Variants in MICU1 observed in about 807,000 individuals in gnomAD.
MICU1 encodes the protein mitochondrial calcium uptake 1.
In MICU1, 45 loss-of-function variants were observed where a neutral mutation model predicts 56.8. The ratio of observed to expected loss-of-function variants is 0.79; its 90% confidence interval spans 0.62 to 1.02. The LOEUF is 1.02. Ranked by LOEUF, MICU1 falls within the 50% of genes least tolerant of loss-of-function variation. MICU1 has a pLI of 0.00. For synonymous variants in MICU1, 186 were observed against 195.1 expected (o/e 0.95, Z 0.39); for missense variants, 504 against 587.1 (o/e 0.86, Z 1.46).
At position 72,482,710 on chromosome 10, in the gene MICU1, A is replaced by G. The variant is rs116538847; in HGVS notation, c.653-5454T>C. ...ATATGATGGCCCTCTGAATACATATAAACTATTATCATGTCTCTAAAAAGG... is the reference window on the plus strand; with the variant it reads ...ATATGATGGCCCTCTGAATACATATGAACTATTATCATGTCTCTAAAAAGG... On this transcript the variant is annotated intron_variant, in intron 6 of 11. Transcript: ENST00000361114. Among the ~76,000 whole-genome samples, 1,028 of 152,038 alleles carry G rather than the reference A, an allele frequency of 6.8e-3. 13 individuals are homozygous for G. The highest frequency in any genetic ancestry group is 0.023 in the African/African-American group (969 of 41,480).
intron 11 of MICU1, among the ~76,000 whole-genome samples, chr10:72,374,727 G>A (rs1442452281): frequency 3.3e-5 from 5 of 150,100 alleles, no homozygotes; most frequent in African/African-American, 1.2e-4. Flanking sequence ...TGTGGGGTAA[G>A]AGAGGGTGGT....
At position 72,569,206 on chromosome 10, in the gene MICU1, CAT is replaced by C. The variant is rs1211580394; in HGVS notation, c.-1-2414_-1-2413del. Among the ~76,000 whole-genome samples the C allele has an allele frequency of 1.3e-3, 88 of 68,026 alleles. 4 individuals are homozygous for C. The highest frequency in any genetic ancestry group is 2.3e-3 in the South Asian group (4 of 1,774). 44.6% of individuals were successfully genotyped at this position (68,026 alleles called of 152,430 possible). A position where few individuals can be genotyped will look rare whatever the true frequency, so the allele number is the denominator to read the frequency against. ...ATACATTTCTAAAATCATATATATGCATATATATATATATATATATATATATA... is the reference window on the plus strand; with the variant it reads ...ATACATTTCTAAAATCATATATATGCATATATATATATATATATATATATA... On this transcript the variant is annotated intron_variant, in intron 1 of 11. Transcript: ENST00000361114.
intron 1 of MICU1, among the ~76,000 whole-genome samples, chr10:72,569,237 A>ATTTTTTTTTTTTTTTTTTTT (rs1178823534): frequency 8.7e-5 from 3 of 34,392 alleles, no homozygotes; most frequent in African/African-American, 2.3e-4. Flanking sequence ...ATATATATAT[A>ATTTTTTTTTTTTTTTTTTTT]TTTTTTTTTT....
chr10:72,476,204 G>A (rs1866115233), intron 7 of MICU1, among the ~76,000 whole-genome samples: 1 of 138,350 alleles, frequency 7.2e-6, no homozygotes, highest in South Asian at 2.4e-4. Context: ...TCCAACCTGG[G>A]TGACAGAGCG....
At chr10:72,527,564 T>C (rs968375087) in intron 5 of MICU1, among the ~76,000 whole-genome samples, 5 of 152,114 alleles carry the variant, frequency 3.3e-5, no homozygotes, top group Admixed American at 3.3e-4. Context: ...GCTATTGCTA[T>C]GTTGCCCAGG....
chr10:72,368,383 A>T, intron 11 of MICU1, 28 bp from the exon 12 acceptor site: 1 of 1,605,760 alleles, frequency 6.2e-7, no homozygotes, highest in Non-Finnish European at 8.5e-7. Context: ...AACAACAGGG[A>T]TAAGTGTTGG....
At chr10:72,572,715 TACTTA>T (rs1200022870) in intron 1 of MICU1, among the ~76,000 whole-genome samples, 2 of 152,066 alleles carry the variant, frequency 1.3e-5, no homozygotes, top group Non-Finnish European at 2.9e-5. Flanking sequence ...TGTGAAAAGA[TACTTA>T]ATCTCACTCA....
At chr10:72,423,467 C>G (rs1864245250) in intron 8 of MICU1, 96 bp from the exon 9 acceptor site, 5 of 1,380,710 alleles carry the variant, frequency 3.6e-6, no homozygotes, top group Non-Finnish European at 4.9e-6. Flanking sequence ...CAGAAAATAG[C>G]TGATGACTGG....
At chr10:72,515,161 G>A (rs1867607363) in intron 5 of MICU1, among the ~76,000 whole-genome samples, 2 of 152,190 alleles carry the variant, frequency 1.3e-5, no homozygotes, top group African/African-American at 2.4e-5. Context: ...CATCCTTACA[G>A]CTGCCATTGC....
At chr10:72,504,239 A>G (rs1330704974) in intron 6 of MICU1, among the ~76,000 whole-genome samples, 1 of 152,214 alleles carries the variant, frequency 6.6e-6, no homozygotes, top group African/African-American at 2.4e-5. Flanking sequence ...CTATAAAGCT[A>G]CAGTAACCAA....
chr10:72,442,712 C>T (rs772156723), intron 8 of MICU1, among the ~76,000 whole-genome samples: 5 of 152,150 alleles, frequency 3.3e-5, no homozygotes, highest in Non-Finnish European at 7.3e-5. Flanking sequence ...AGTGCTATTA[C>T]AGTAGGTAAG....
intron 6 of MICU1, among the ~76,000 whole-genome samples, chr10:72,477,783 G>C (rs1050599062): frequency 6.6e-6 from 1 of 152,106 alleles, no homozygotes; most frequent in Non-Finnish European, 1.5e-5. Flanking sequence ...ATAATTTCAA[G>C]TTGGTTTCTT....
At chr10:72,431,830 T>C (rs1205962069) in intron 8 of MICU1, among the ~76,000 whole-genome samples, 2 of 152,202 alleles carry the variant, frequency 1.3e-5, no homozygotes, top group Admixed American at 6.5e-5. Context: ...CCCACTAGTA[T>C]ATATGAGAAT....
intron 9 of MICU1, among the ~76,000 whole-genome samples, chr10:72,418,476 A>AT (rs1201088357): frequency 1.3e-5 from 2 of 152,184 alleles, no homozygotes; most frequent in African/African-American, 4.8e-5. Flanking sequence ...GAAGCCTTGG[A>AT]TTTTAGACCA....
chr10:72,469,775 G>A (rs1203223316), intron 8 of MICU1, among the ~76,000 whole-genome samples: 1 of 152,110 alleles, frequency 6.6e-6, no homozygotes, highest in Non-Finnish European at 1.5e-5. Context: ...CATAGTTCTG[G>A]AGGCTATACG....
chr10:72,508,435 A>G (rs758628832), intron 5 of MICU1, 166 bp from the exon 6 acceptor site: 54 of 404,000 alleles, frequency 1.3e-4, no homozygotes, highest in Non-Finnish European at 2.2e-4. Flanking sequence ...TTTCAAGATG[A>G]TGAAAATTTT....
chr10:72,593,038 G>A (rs557581898), intron 1 of MICU1, among the ~76,000 whole-genome samples: 14 of 151,362 alleles, frequency 9.2e-5, no homozygotes, highest in South Asian at 2.1e-4. Flanking sequence ...CACCCACTTC[G>A]CCCTCCCAAA....
At chr10:72,473,543 A>G (rs1223303845) in intron 8 of MICU1, among the ~76,000 whole-genome samples, 1 of 152,136 alleles carries the variant, frequency 6.6e-6, no homozygotes, top group Non-Finnish European at 1.5e-5. Context: ...CCCAGACAAG[A>G]TGCCGCTCCA....
chr10:72,471,418 T>C (rs1214407781), intron 8 of MICU1, among the ~76,000 whole-genome samples: 1 of 152,166 alleles, frequency 6.6e-6, no homozygotes, highest in Non-Finnish European at 1.5e-5. Context: ...TTCAACTCTA[T>C]AGCATCTCAG....
Sources: allele counts gnomAD v4.1 joint callset (sites outside exome capture counted in the v4.1 genomes callset), GRCh38; gene constraint gnomAD v4.1.1; transcripts MANE v1.5; gene names NCBI Gene and HGNC (gene_info 2026-07-23, HGNC 2026-07-21).